FAT3: variants seen among roughly 807,000 people sequenced by gnomAD.
FAT3 encodes protocadherin Fat 3.
In FAT3, 95 loss-of-function variants were observed where a neutral mutation model predicts 310.2. The ratio of observed to expected loss-of-function variants is 0.31; its 90% CI spans 0.26 to 0.36. The LOEUF (loss-of-function observed/expected upper bound fraction) is 0.36. Among genes scored for constraint, FAT3 ranks in the 10% least tolerant of loss-of-function variants. The probability of loss-of-function intolerance (pLI) is 1.00; values close to 1 mark genes in which losing one functional copy is unlikely to be tolerated. For missense variants in FAT3, 5,408 were observed against 5,715.6 expected, an observed-to-expected ratio of 0.95 and a Z score of 1.74; for synonymous variants, 2,314 against 2,192.9, an observed-to-expected ratio of 1.06 and a Z score of -1.54.
At chr11:92,763,450 C>A (rs1444386516) in intron 5 of FAT3, among the ~76,000 whole-genome samples, 1 of 151,492 alleles carries the variant, frequency 6.6e-6, no homozygotes, top group Non-Finnish European at 1.5e-5. Context: ...TGGATAGATT[C>A]AAGTGGATAC....
chr11:92,749,536 T>C (rs953671929), intron 4 of FAT3, among the ~76,000 whole-genome samples: 1 of 152,256 alleles, frequency 6.6e-6, no homozygotes, highest in Non-Finnish European at 1.5e-5. Context: ...TTGAGTTCTC[T>C]TAACATCTAG....
chr11:92,874,534 T>A (rs2136376485), intron 22 of FAT3, among the ~76,000 whole-genome samples: 1 of 152,300 alleles, frequency 6.6e-6, no homozygotes, highest in Admixed American at 6.5e-5. Flanking sequence ...AAGTTTAAAC[T>A]CAATCTCTTA....
intron 1 of FAT3, among the ~76,000 whole-genome samples, chr11:92,346,446 C>T (rs1188056381): frequency 6.6e-6 from 1 of 152,132 alleles, no homozygotes; most frequent in East Asian, 1.9e-4. Flanking sequence ...CACAGGACCT[C>T]TCTGTGGCAT....
rs79461968 is a variant in FAT3 at position 92,271,132 on chromosome 11, G to A, written c.-18+45958G>A. 9.6e-3 allele frequency among the ~76,000 whole-genome samples: 1,466 copies of A among 152,196 alleles called. 12 individuals carry two copies. Among genetic ancestry groups the A allele is most frequent in the African/African-American group, 0.033 (1,376 of 41,532 alleles). ...AGTCCATTCTGCATACTGAGCCAGAGTATTCATCAGGCTGCCTCACTTCCT... is the reference window on the plus strand; with the variant it reads ...AGTCCATTCTGCATACTGAGCCAGAATATTCATCAGGCTGCCTCACTTCCT... On this transcript the variant is annotated intron_variant, in intron 1 of 27. Coordinates refer to ENST00000525166, the MANE Select transcript of FAT3 (RefSeq NM_001367949.2).
intron 2 of FAT3, among the ~76,000 whole-genome samples, chr11:92,485,535 A>G (rs1208623517): frequency 6.6e-6 from 1 of 152,192 alleles, no homozygotes; most frequent in African/African-American, 2.4e-5. Context: ...TGAGGTACCA[A>G]ATCCAATAGA....
At chr11:92,512,289 A>T (rs1953319366) in intron 2 of FAT3, among the ~76,000 whole-genome samples, 1 of 151,864 alleles carries the variant, frequency 6.6e-6, no homozygotes, top group Non-Finnish European at 1.5e-5. Context: ...TTTATTTGTG[A>T]TTCTAGAATC....
rs1555038657 is a variant in FAT3 at position 92,412,758 on chromosome 11, T to TATATATATATATATACACAC, written c.3292+57364_3292+57365insATATACACACATATATATAT. ...ATATATATATATAAATATACATACATATATATATATTTAATGTAAGACTTT... is the reference window on the plus strand; with the variant it reads ...ATATATATATATAAATATACATACATATATATATATATATACACACATATATATATTTAATGTAAGACTTT... On this transcript the variant is annotated intron_variant, in intron 2 of 27. Transcript: ENST00000525166. Among the ~76,000 whole-genome samples, 56 of 61,186 alleles carry TATATATATATATATACACAC rather than the reference T, an allele frequency of 9.2e-4. 7 individuals carry two copies. Among genetic ancestry groups the TATATATATATATATACACAC allele is most frequent in the Admixed American group, 2.8e-3 (11 of 3,976 alleles). 40.1% of individuals were successfully genotyped at this position (61,186 alleles called of 152,430 possible).
At chr11:92,527,125 T>A (rs1953893047) in intron 3 of FAT3, among the ~76,000 whole-genome samples, 1 of 152,158 alleles carries the variant, frequency 6.6e-6, no homozygotes, top group African/African-American at 2.4e-5. Context: ...GAGGGCTTCA[T>A]GGAGGAAGTC....
At chr11:92,594,676 T>C (rs1264467104) in intron 3 of FAT3, among the ~76,000 whole-genome samples, 1 of 152,226 alleles carries the variant, frequency 6.6e-6, no homozygotes, top group Non-Finnish European at 1.5e-5. Flanking sequence ...TCTGAACTCA[T>C]GACACTTAGG....
intron 3 of FAT3, among the ~76,000 whole-genome samples, chr11:92,677,749 G>C (rs548406769): frequency 6.6e-6 from 1 of 152,224 alleles, no homozygotes; most frequent in South Asian, 2.1e-4. Flanking sequence ...ACTGCTGATC[G>C]TCCAGGTTAT....
At chr11:92,421,032 G>C (rs543259642) in intron 2 of FAT3, among the ~76,000 whole-genome samples, 3 of 152,228 alleles carry the variant, frequency 2.0e-5, no homozygotes, top group African/African-American at 4.8e-5. Context: ...TCCTGTCTCA[G>C]ATAATTCTCC....
At chr11:92,740,055 G>A (rs984995589) in intron 4 of FAT3, among the ~76,000 whole-genome samples, 1 of 152,168 alleles carries the variant, frequency 6.6e-6, no homozygotes, top group African/African-American at 2.4e-5. Context: ...CATTAAGCAC[G>A]AGTATGACTC....
At chr11:92,764,253 GT>G (rs1946245311) in intron 5 of FAT3, among the ~76,000 whole-genome samples, 1 of 152,024 alleles carries the variant, frequency 6.6e-6, no homozygotes, top group South Asian at 2.1e-4. Flanking sequence ...AGAGTTCTCT[GT>G]TACCTTTTTG....
At chr11:92,371,639 C>T (rs917861236) in intron 2 of FAT3, among the ~76,000 whole-genome samples, 2 of 152,178 alleles carry the variant, frequency 1.3e-5, no homozygotes, top group African/African-American at 4.8e-5. Flanking sequence ...ATTGCTTGAA[C>T]CCTGGAGGTG....
intron 2 of FAT3, among the ~76,000 whole-genome samples, chr11:92,431,892 G>A (rs992361920): frequency 3.3e-5 from 5 of 152,078 alleles, no homozygotes; most frequent in Non-Finnish European, 7.4e-5. Flanking sequence ...TGCTGTTTTG[G>A]TTACTGTGGC....
chr11:92,367,878 C>G (rs1292841704), intron 2 of FAT3, among the ~76,000 whole-genome samples: 1 of 152,172 alleles, frequency 6.6e-6, no homozygotes, highest in Non-Finnish European at 1.5e-5. Context: ...GGTTAATTGT[C>G]AAGGAATGCC....
intron 4 of FAT3, among the ~76,000 whole-genome samples, chr11:92,754,822 T>C (rs10830941): frequency 0.59 from 88,429 of 150,828 alleles, 27,776 homozygotes; most frequent in African/African-American, 0.83. Flanking sequence ...GAGTGGAGAT[T>C]GCGCCACCGC....
chr11:92,671,957 A>C (rs1271839617), intron 3 of FAT3, among the ~76,000 whole-genome samples: 1 of 151,952 alleles, frequency 6.6e-6, no homozygotes, highest in African/African-American at 2.4e-5. Flanking sequence ...AATACAAAAA[A>C]TAATAATAAT....
intron 2 of FAT3, among the ~76,000 whole-genome samples, chr11:92,505,155 G>A (rs1217131906): frequency 6.6e-6 from 1 of 152,084 alleles, no homozygotes; most frequent in Non-Finnish European, 1.5e-5. Context: ...CCTGGAGGTG[G>A]TTGTGTGTGC....
Sources: allele counts gnomAD v4.1 joint callset (sites outside exome capture counted in the v4.1 genomes callset), GRCh38; gene constraint gnomAD v4.1.1; transcripts MANE v1.5; gene names NCBI Gene and HGNC (gene_info 2026-07-23, HGNC 2026-07-21).